Variants in MCTS2 observed in about 807,000 individuals in gnomAD.
MCTS2 encodes malignant T-cell-amplified sequence 2.
chr20:31,547,612 G>C, the MCTS2 span: 4 of 1,575,972 alleles, frequency 2.5e-6, no homozygotes, highest in Non-Finnish European at 3.4e-6. Flanking sequence ...TCCAGGTATT[G>C]AACCATGGCT....
chr20:31,547,619 G>A, the MCTS2 span: 9 of 1,577,770 alleles, frequency 5.7e-6, no homozygotes, highest in African/African-American at 9.6e-5. Flanking sequence ...ATTGAACCAT[G>A]GCTTAATCAA....
At chr20:31,547,448 C>T in the MCTS2 span, 1 of 565,828 alleles carries the variant, frequency 1.8e-6, no homozygotes, top group East Asian at 3.3e-5. Flanking sequence ...GGGGACTCCA[C>T]CGGAGCCTTG....
chr20:31,547,977 C>G, the MCTS2 span: 1 of 1,571,772 alleles, frequency 6.4e-7, no homozygotes, highest in Non-Finnish European at 8.8e-7. Context: ...TTGAGAAAGT[C>G]AACAAAGGAA....
chr20:31,547,509 CAAG>C, the MCTS2 span: 1 of 729,110 alleles, frequency 1.4e-6, no homozygotes, highest in East Asian at 2.7e-5. Flanking sequence ...GGATCATGTT[CAAG>C]AAGTTTGATG....
the MCTS2 span, chr20:31,547,842 T>C: frequency 3.2e-6 from 3 of 941,650 alleles, no homozygotes; most frequent in Non-Finnish European, 5.3e-6. Context: ...ATATTATGTG[T>C]CCAGGTTTAA....
chr20:31,547,932 G>T, the MCTS2 span: 2 of 1,287,420 alleles, frequency 1.6e-6, no homozygotes, highest in Non-Finnish European at 2.3e-6. Context: ...AGCATGCTCT[G>T]TGTGTTGGGG....
chr20:31,547,826 G>T, the MCTS2 span: 8 of 936,064 alleles, frequency 8.5e-6, no homozygotes, highest in Non-Finnish European at 1.4e-5. Context: ...GTACTCAGTG[G>T]CGCAAATATT....
chr20:31,547,733 C>T, the MCTS2 span: 2 of 1,092,906 alleles, frequency 1.8e-6, no homozygotes, highest in South Asian at 2.7e-5. Flanking sequence ...AGAAAGGGGC[C>T]TTTTTGTCCA....
the MCTS2 span, chr20:31,548,018 A>G: frequency 1.9e-6 from 3 of 1,592,302 alleles, no homozygotes; most frequent in Non-Finnish European, 2.6e-6. Context: ...TATTTAAATG[A>G]TGGGCTGTGG....
chr20:31,547,510 A>G, the MCTS2 span: 2 of 731,932 alleles, frequency 2.7e-6, no homozygotes, highest in Non-Finnish European at 4.7e-6. Context: ...GATCATGTTC[A>G]AGAAGTTTGA....
At chr20:31,547,563 A>G in the MCTS2 span, 1 of 1,112,328 alleles carries the variant, frequency 9.0e-7, no homozygotes. Context: ...TGAAAACGTC[A>G]GTTATTAAGG....
At chr20:31,547,737 T>A in the MCTS2 span, 3 of 1,059,980 alleles carry the variant, frequency 2.8e-6, no homozygotes, top group Non-Finnish European at 4.3e-6. Flanking sequence ...AGGGGCCTTT[T>A]TGTCCAACTC....
At chr20:31,547,838 T>G in the MCTS2 span, 1 of 931,414 alleles carries the variant, frequency 1.1e-6, no homozygotes, top group Non-Finnish European at 1.8e-6. Flanking sequence ...GCAAATATTA[T>G]GTGTCCAGGT....
At chr20:31,547,845 A>G in the MCTS2 span, 1 of 937,388 alleles carries the variant, frequency 1.1e-6, no homozygotes, top group Non-Finnish European at 1.8e-6. Context: ...TTATGTGTCC[A>G]GGTTTAACTT....
the MCTS2 span, chr20:31,547,550 A>G: frequency 1.0e-6 from 1 of 968,466 alleles, no homozygotes; most frequent in South Asian, 1.4e-5. Flanking sequence ...AACTGCATCC[A>G]GTTGAAAACG....
the MCTS2 span, chr20:31,547,487 C>T: frequency 1.5e-6 from 1 of 646,170 alleles, no homozygotes; most frequent in Non-Finnish European, 2.7e-6. Context: ...CTGTTGTCGC[C>T]CGCTTCACCC....
chr20:31,547,892 C>G, the MCTS2 span: 14 of 1,055,122 alleles, frequency 1.3e-5, no homozygotes, highest in South Asian at 3.8e-5. Context: ...GCAGTAGATA[C>G]GATTGTAGCA....
At chr20:31,547,611 T>C in the MCTS2 span, 6 of 1,575,242 alleles carry the variant, frequency 3.8e-6, no homozygotes, top group Non-Finnish European at 5.2e-6. Flanking sequence ...TTCCAGGTAT[T>C]GAACCATGGC....
the MCTS2 span, chr20:31,547,855 TCTC>T: frequency 1.1e-5 from 11 of 962,370 alleles, no homozygotes; most frequent in Middle Eastern, 2.1e-4. Context: ...AGGTTTAACT[TCTC>T]CTGGAGCTAA....
Sources: allele counts gnomAD v4.1 joint callset, GRCh38; gene constraint gnomAD v4.1.1; transcripts MANE v1.5; gene names NCBI Gene and HGNC (gene_info 2026-07-23, HGNC 2026-07-21).